LARP1: variants seen among roughly 807,000 people sequenced by gnomAD.
LARP1 encodes la-related protein 1.
LARP1 carries 36 observed loss-of-function variants against 122.7 expected under a neutral mutation model. The ratio of observed to expected loss-of-function variants is 0.29; its 90% CI spans 0.22 to 0.39. The LOEUF (loss-of-function observed/expected upper bound fraction) is 0.39, where lower values mean the gene tolerates loss of function less well. Ranked by LOEUF, LARP1 falls within the 10% of genes least tolerant of loss-of-function variation. The pLI, the probability that LARP1 is intolerant of heterozygous loss-of-function variation, is 1.00. For synonymous variants in LARP1, 539 were observed against 528.7 expected, an observed-to-expected ratio of 1.02 and a Z score of -0.27; for missense variants, 1,040 against 1,403.6, an observed-to-expected ratio of 0.74 and a Z score of 4.14.
At chr5:154,764,760 C>A (rs1470891802) in intron 1 of LARP1, among the ~76,000 whole-genome samples, 1 of 151,658 alleles carries the variant, frequency 6.6e-6, no homozygotes, top group African/African-American at 2.4e-5. Flanking sequence ...CAAAAAGTAG[C>A]TGGGCGTCAT....
intron 1 of LARP1, among the ~76,000 whole-genome samples, chr5:154,760,472 G>A (rs1443028455): frequency 6.6e-6 from 1 of 152,174 alleles, no homozygotes; most frequent in East Asian, 1.9e-4. Flanking sequence ...GTTGTGATTA[G>A]GAATCCAAGC....
At chr5:154,691,697 C>T (rs1754219713) in intron 1 of LARP1, among the ~76,000 whole-genome samples, 1 of 152,218 alleles carries the variant, frequency 6.6e-6, no homozygotes, top group South Asian at 2.1e-4. Context: ...CGTGAATGGG[C>T]ACCCATCCTC....
intron 1 of LARP1, among the ~76,000 whole-genome samples, chr5:154,707,307 T>C (rs1754998255): frequency 6.6e-6 from 1 of 152,188 alleles, no homozygotes; most frequent in African/African-American, 2.4e-5. Flanking sequence ...TTAAATACGT[T>C]TGATATTTTT....
At chr5:154,772,102 A>T (rs994919933) in intron 1 of LARP1, among the ~76,000 whole-genome samples, 1 of 152,248 alleles carries the variant, frequency 6.6e-6, no homozygotes, top group African/African-American at 2.4e-5. Flanking sequence ...ATAAATACAC[A>T]TATAAATATA....
chr5:154,776,975 C>T (rs1423728393), intron 1 of LARP1, among the ~76,000 whole-genome samples: 1 of 152,218 alleles, frequency 6.6e-6, no homozygotes, highest in Non-Finnish European at 1.5e-5. Context: ...AACCCAAGTA[C>T]AGTCTCGTGT....
rs112829249 is a variant in LARP1, at chr5:154,764,239, G to A, written c.436+8046G>A. On this transcript the variant is annotated intron_variant, in intron 1 of 18. Coordinates refer to ENST00000518297, the MANE Select transcript of LARP1 (RefSeq NM_033551.3). ...GCAGGAGAATCGCTTGAACCTGGGA[G>A]GCAGAGGTTGCAGTGAGCTGAGATT... Among the ~76,000 whole-genome samples, 149 of 151,786 alleles carry A rather than the reference G, an allele frequency of 9.8e-4. 1 individual carries two copies. Among genetic ancestry groups the A allele is most frequent in the African/African-American group, 3.5e-3 (145 of 41,344 alleles).
chr5:154,690,042 A>C (rs1754119951), intron 1 of LARP1, among the ~76,000 whole-genome samples: 1 of 150,630 alleles, frequency 6.6e-6, no homozygotes, highest in Admixed American at 6.6e-5. Context: ...CTCTGTCTCC[A>C]AAAAAATTAA....
chr5:154,771,428 T>C (rs1755420945), intron 1 of LARP1, among the ~76,000 whole-genome samples: 1 of 152,178 alleles, frequency 6.6e-6, no homozygotes, highest in Non-Finnish European at 1.5e-5. Flanking sequence ...CAGGTGCTCG[T>C]AGAGGTTCAC....
intron 1 of LARP1, among the ~76,000 whole-genome samples, chr5:154,723,792 A>C (rs969009561): frequency 6.6e-6 from 1 of 152,116 alleles, no homozygotes; most frequent in Non-Finnish European, 1.5e-5. Flanking sequence ...CTTTATTTGG[A>C]TTCTGTGCTC....
intron 1 of LARP1, among the ~76,000 whole-genome samples, chr5:154,737,553 T>C (rs1375091341): frequency 6.7e-6 from 1 of 148,750 alleles, no homozygotes; most frequent in Non-Finnish European, 1.5e-5. Flanking sequence ...GCAATTCTCC[T>C]GTCTCAGTCT....
upstream of LARP1, among the ~76,000 whole-genome samples, chr5:154,709,927 A>G (rs142171116): frequency 2.3e-3 from 343 of 152,264 alleles, 3 homozygotes; most frequent in African/African-American, 7.2e-3. Flanking sequence ...CAGTGCTAGC[A>G]TCGTCACCTC....
intron 1 of LARP1, chr5:154,729,608 C>A (rs112006144): frequency 1.2e-4 from 49 of 419,348 alleles, no homozygotes; most frequent in African/African-American, 8.5e-4. Context: ...GATGAAGCAC[C>A]AGCCACTCCA....
intron 1 of LARP1, among the ~76,000 whole-genome samples, chr5:154,761,585 T>G (rs1486594846): frequency 6.6e-6 from 1 of 152,148 alleles, no homozygotes; most frequent in Admixed American, 6.6e-5. Context: ...ATTAGGGTGT[T>G]GGGGCCACTG....
Position 154,793,867 on chromosome 5 carries a change from G to A in LARP1, c.936G>A (p.Pro312=), listed in dbSNP as rs773710689. Residue 312 remains proline, a synonymous_variant, in exon 6 of 19, where the codon CCG becomes CCA. Transcript: ENST00000518297. ...CAGCCTGGCAACCAGAGATCAAACC[G>A]GAGCCTGCCTGGCACGACCAGGATG... ...PTPAWQPEIK[P]EPAWHDQDET... 8.7e-6 allele frequency: 14 copies of A among 1,614,172 alleles called. No individual in the cohort carries two copies. Among genetic ancestry groups the A allele is most frequent in the East Asian group, 2.2e-5 (1 of 44,860 alleles).
In LARP1 at chr5:154,706,308, A is replaced by C. The variant is rs1274788108; in HGVS notation, c.-180+23271A>C. On this transcript the variant is annotated intron_variant, in intron 1 of 18. Coordinates refer to the LARP1 transcript ENST00000687700. ...GACTTTGTCTCAAAATAATAATAAT[A>C]ATAATAATAATAATAATAATAATAA... Among the ~76,000 whole-genome samples the C allele has an allele frequency of 8.3e-5, 12 of 144,642 alleles. No homozygotes were observed. In the East Asian group the frequency reaches 2.5e-3, roughly 30 times the overall value. The allele number at this position is 144,642 out of a possible 152,430, so 94.9% of individuals were successfully genotyped here. A position where few individuals can be genotyped will look rare whatever the true frequency, so the allele number is the denominator to read the frequency against.
rs563928407 is a variant in LARP1 at position 154,794,336 on chromosome 5, G to T, written c.1232+74G>T. 144 of 1,486,396 alleles carry T rather than the reference G, an allele frequency of 9.7e-5. 1 individual carries two copies. The African/African-American group carries it at 1.8e-3, about 18-fold the overall frequency. The allele number at this position is 1,486,396 out of a possible 1,614,324, so 92.1% of individuals were successfully genotyped here. A position where few individuals can be genotyped will look rare whatever the true frequency, so the allele number is the denominator to read the frequency against. On this transcript the variant is annotated intron_variant, in intron 7 of 18. Coordinates refer to ENST00000518297, the MANE Select transcript of LARP1 (RefSeq NM_033551.3). ...GGGGTTGCTAGAGTGTCATAGCTGGGCAGGCCCTTCTGGTGCTTAGCAGCA... is the reference window on the plus strand; with the variant it reads ...GGGGTTGCTAGAGTGTCATAGCTGGTCAGGCCCTTCTGGTGCTTAGCAGCA...
chr5:154,813,824 C>A, intron 18 of LARP1, 63 bp from the exon 19 acceptor site: 2 of 1,383,688 alleles, frequency 1.4e-6, no homozygotes, highest in South Asian at 2.4e-5. Flanking sequence ...TCTAGACGGG[C>A]CTGGCAAGGA....
chr5:154,791,061 C>T (rs963786404), intron 3 of LARP1, among the ~76,000 whole-genome samples: 7 of 152,044 alleles, frequency 4.6e-5, no homozygotes, highest in Non-Finnish European at 1.0e-4. Flanking sequence ...AAGTGATCTG[C>T]CTGCCTCAGC....
intron 1 of LARP1, among the ~76,000 whole-genome samples, chr5:154,776,571 T>C (rs1480011675): frequency 1.3e-5 from 2 of 152,244 alleles, no homozygotes; most frequent in African/African-American, 4.8e-5. Flanking sequence ...GTCTCACTCA[T>C]TGGCAGCTCA....
Sources: allele counts gnomAD v4.1 joint callset (sites outside exome capture counted in the v4.1 genomes callset), GRCh38; gene constraint gnomAD v4.1.1; transcripts MANE v1.5; gene names NCBI Gene and HGNC (gene_info 2026-07-23, HGNC 2026-07-21).